Variants in AOX1 observed in about 807,000 individuals in gnomAD.
AOX1 encodes aldehyde oxidase.
AOX1 carries 153 observed loss-of-function variants against 169.5 expected under a neutral mutation model. That is an observed-to-expected ratio of 0.90 (90% CI 0.79 to 1.03). The LOEUF (loss-of-function observed/expected upper bound fraction) is 1.03. AOX1 is among the 50% of genes least tolerant of loss of function. The probability of loss-of-function intolerance (pLI) is 0.00; values close to 1 mark genes in which losing one functional copy is unlikely to be tolerated. For synonymous variants in AOX1, 562 were observed against 581.9 expected (o/e 0.97, Z 0.49); for missense variants, 1,656 against 1,663.9 (o/e 1.00, Z 0.08).
At chr2:200,595,930 G>A (rs1368601188) in intron 3 of AOX1, among the ~76,000 whole-genome samples, 1 of 152,016 alleles carries the variant, frequency 6.6e-6, no homozygotes, top group East Asian at 1.9e-4. Context: ...AGCCCCCAAT[G>A]GCTTCCCATT....
chr2:200,604,112 G>A lies in AOX1; in HGVS notation c.669+15G>A, dbSNP rs1342688606. ...CTGAGCTAATGGTGAGTAAAGCAATGTTGAGCTCATCCTAGAAGAATTCAT... is the reference window on the plus strand; with the variant it reads ...CTGAGCTAATGGTGAGTAAAGCAATATTGAGCTCATCCTAGAAGAATTCAT... On this transcript the variant is annotated intron_variant, in intron 8 of 34. Transcript: ENST00000374700. 3 of 1,561,850 alleles carry A rather than the reference G, an allele frequency of 1.9e-6. No homozygotes were observed. The highest frequency in any genetic ancestry group is 1.1e-5 in the South Asian group (1 of 90,024).
At chr2:200,659,083 A>C in intron 27 of AOX1, 82 bp from the exon 28 acceptor site, 1 of 1,388,032 alleles carries the variant, frequency 7.2e-7, no homozygotes, top group Non-Finnish European at 1.0e-6. Flanking sequence ...TGAGGGTATC[A>C]CACATGTGTT....
At chr2:200,667,805 T>C (rs1559263473) in intron 32 of AOX1, among the ~76,000 whole-genome samples, 2 of 152,012 alleles carry the variant, frequency 1.3e-5, no homozygotes, top group Non-Finnish European at 2.9e-5. Flanking sequence ...GGGGATGGAC[T>C]GAAGTGTTTG....
chr2:200,614,111 A>G, intron 15 of AOX1, 145 bp downstream of exon 15: 1 of 768,824 alleles, frequency 1.3e-6, no homozygotes, highest in Admixed American at 2.9e-5. Context: ...AACATCCCTC[A>G]GCCTGTCTGT....
At chr2:200,678,751 A>G (rs984754505), downstream of AOX1, 1 of 150,816 alleles carries the variant, frequency 6.6e-6, no homozygotes, top group Non-Finnish European at 1.5e-5. Context: ...ACCTCTGGAT[A>G]CTGCAATTTC....
intron 13 of AOX1, 114 bp from the exon 14 acceptor site, chr2:200,612,495 C>A: frequency 1.0e-6 from 1 of 981,306 alleles, no homozygotes; most frequent in Non-Finnish European, 1.6e-6. Context: ...GTGTAGGTGA[C>A]ACTCAACACA....
intron 24 of AOX1, among the ~76,000 whole-genome samples, chr2:200,641,859 C>G (rs2035358400): frequency 6.6e-6 from 1 of 151,998 alleles, no homozygotes; most frequent in Non-Finnish European, 1.5e-5. Context: ...ATGTTTCAAC[C>G]AGGCCAGACG....
chr2:200,636,096 C>A (rs1032833467), intron 21 of AOX1, among the ~76,000 whole-genome samples: 20 of 146,334 alleles, frequency 1.4e-4, no homozygotes, highest in Non-Finnish European at 3.0e-5. Context: ...TAGCAGCAAT[C>A]CAAGCAAGAA....
At chr2:200,593,906 ATCCACAGTACCT>A (rs1346289172) in intron 2 of AOX1, among the ~76,000 whole-genome samples, 6 of 152,214 alleles carry the variant, frequency 3.9e-5, no homozygotes, top group African/African-American at 1.4e-4. Flanking sequence ...CTCCCTGATT[ATCCACAGTACCT>A]ATGTATAATA....
chr2:200,672,223 C>A (rs927190329), downstream of AOX1, among the ~76,000 whole-genome samples: 2 of 152,122 alleles, frequency 1.3e-5, no homozygotes, highest in Non-Finnish European at 2.9e-5. Context: ...AATTTTACAA[C>A]GTGTGAATAT....
intron 16 of AOX1, among the ~76,000 whole-genome samples, chr2:200,616,821 G>A (rs973716214): frequency 4.6e-5 from 7 of 152,162 alleles, no homozygotes; most frequent in African/African-American, 1.7e-4. Flanking sequence ...GCTTTTTAAA[G>A]CATTTGTTCA....
chr2:200,656,882 T>C lies in AOX1; in HGVS notation c.3116T>C (p.Leu1039Pro). Residue 1039 changes from leucine to proline, a missense_variant, in exon 27 of 35, where the codon CTG (leucine) becomes CCG (proline). Coordinates refer to ENST00000374700, the MANE Select transcript of AOX1 (RefSeq NM_001159.4). ...LVHIYLDGSVLVTHGGIEMGQ... is the reference protein window; with the variant it reads ...LVHIYLDGSVPVTHGGIEMGQ... ...CACATTTATCTTGATGGCTCTGTGCTGGTCACTCACGGTGGAATTGAAATG... is the reference window on the plus strand; with the variant it reads ...CACATTTATCTTGATGGCTCTGTGCCGGTCACTCACGGTGGAATTGAAATG... 1 of 1,586,118 alleles carries C rather than the reference T, an allele frequency of 6.3e-7. No homozygotes were observed. The highest frequency in any genetic ancestry group is 1.4e-5 in the African/African-American group (1 of 74,056).
At chr2:200,624,145 G>A (rs1033312494) in intron 19 of AOX1, among the ~76,000 whole-genome samples, 162 bp downstream of exon 19, 6 of 152,148 alleles carry the variant, frequency 3.9e-5, no homozygotes, top group Non-Finnish European at 8.8e-5. Flanking sequence ...ATTTCCCCAA[G>A]GACATGGCTT....
At chr2:200,593,067 C>A in intron 1 of AOX1, 79 bp from the exon 2 acceptor site, 1 of 1,099,772 alleles carries the variant, frequency 9.1e-7, no homozygotes, top group Non-Finnish European at 1.4e-6. Flanking sequence ...ACATGCATTT[C>A]CCTCAAATTA....
intron 29 of AOX1, among the ~76,000 whole-genome samples, chr2:200,660,378 C>G (rs1433638012): frequency 1.3e-5 from 2 of 152,208 alleles, no homozygotes; most frequent in Non-Finnish European, 2.9e-5. Flanking sequence ...TAGATAATAA[C>G]TGTACATCTG....
At chr2:200,647,311 A>T (rs2035475286) in intron 25 of AOX1, among the ~76,000 whole-genome samples, 1 of 152,150 alleles carries the variant, frequency 6.6e-6, no homozygotes, top group African/African-American at 2.4e-5. Context: ...GCATTTGTTT[A>T]TCTGAAAGCA....
chr2:200,612,076 C>G (rs2034652363), intron 13 of AOX1, among the ~76,000 whole-genome samples: 1 of 152,128 alleles, frequency 6.6e-6, no homozygotes, highest in African/African-American at 2.4e-5. Flanking sequence ...GGTTTTTGTC[C>G]CATAAGCCTT....
intron 9 of AOX1, 62 bp downstream of exon 9, chr2:200,604,902 G>A (rs13406379): frequency 0.064 from 78,744 of 1,239,350 alleles, 3,907 homozygotes; most frequent in Admixed American, 0.14. Flanking sequence ...GGATGGGGCC[G>A]GGGTGGGCTG....
At chr2:200,628,546 G>A (rs976890160) in intron 20 of AOX1, among the ~76,000 whole-genome samples, 1 of 152,138 alleles carries the variant, frequency 6.6e-6, no homozygotes, top group Non-Finnish European at 1.5e-5. Context: ...TGGGCAGTCT[G>A]TGCCACATCT....
Sources: gnomAD v4.1 joint callset for allele counts (sites outside exome capture counted in the v4.1 genomes callset) on GRCh38, gnomAD v4.1.1 for gene constraint, MANE v1.5 for transcripts, NCBI Gene and HGNC (gene_info 2026-07-23, HGNC 2026-07-21) for gene names.